The following RFTN1 variants were observed in gnomAD, a reference collection of about 807,000 sequenced individuals.
RFTN1 encodes raftlin.
Under a neutral mutation model 46.5 loss-of-function variants are expected in RFTN1, and 26 were observed. The ratio of observed to expected loss-of-function variants is 0.56; its 90% confidence interval spans 0.41 to 0.78. The LOEUF is 0.78. Among genes scored for constraint, RFTN1 ranks in the 30% least tolerant of loss-of-function variants. RFTN1 has a pLI of 0.00. For synonymous variants in RFTN1, 261 were observed against 284.2 expected (o/e 0.92, Z 0.82); for missense variants, 693 against 718.7 (o/e 0.96, Z 0.41).
chr3:16,316,736 A>G lies in RFTN1; in HGVS notation c.*92T>C. The G allele has an allele frequency of 6.6e-7, 1 of 1,505,160 alleles. No homozygotes were observed. Among genetic ancestry groups the G allele is most frequent in the African/African-American group, 1.4e-5 (1 of 72,364 alleles). 93.2% of individuals were successfully genotyped at this position (1,505,160 alleles called of 1,614,324 possible). On this transcript the variant is annotated 3_prime_UTR_variant, in exon 10 of 10. Coordinates refer to ENST00000334133, the MANE Select transcript of RFTN1 (RefSeq NM_015150.2). This position sits in a 1 kb window ranked among gnomAD's most constrained non-coding sequence, Gnocchi z 4.5. ...AGCCAAGCCAAAGGGTAGGTAACACACAACACCAGGGAAACCAGCCCCCAA... is the reference window on the plus strand; with the variant it reads ...AGCCAAGCCAAAGGGTAGGTAACACGCAACACCAGGGAAACCAGCCCCCAA...
rs535098536 is a variant in RFTN1 at position 16,366,646 on chromosome 3, C to T, written c.1030+3430G>A. 3.6e-5 allele frequency among the ~76,000 whole-genome samples: 4 copies of T among 111,600 alleles called. No homozygotes were observed. In the South Asian group the frequency reaches 2.0e-3, roughly 54 times the overall value. 73.2% of individuals were successfully genotyped at this position (111,600 alleles called of 152,430 possible). A position where few individuals can be genotyped will look rare whatever the true frequency, so the allele number is the denominator to read the frequency against. On this transcript the variant is annotated intron_variant, in intron 6 of 9. Coordinates refer to ENST00000334133, the MANE Select transcript of RFTN1 (RefSeq NM_015150.2). ...CTTCTTTCTTCCTGCCACCTTCTTG[C>T]TCTTACTAGCCAGTAACCTTGACAA... is the stretch of plus-strand genomic sequence containing the variant.
chr3:16,367,989 C>T (rs572017354), intron 6 of RFTN1, among the ~76,000 whole-genome samples: 4 of 152,100 alleles, frequency 2.6e-5, no homozygotes, highest in Non-Finnish European at 5.9e-5. Context: ...TCTCTGCACA[C>T]CTTCAACAAC....
chr3:16,469,520 G>A (rs770760137), intron 2 of RFTN1, among the ~76,000 whole-genome samples: 2 of 152,218 alleles, frequency 1.3e-5, no homozygotes, highest in African/African-American at 2.4e-5. Context: ...AAAGGCAGGT[G>A]CACGACCTTC....
intron 4 of RFTN1, among the ~76,000 whole-genome samples, chr3:16,395,544 C>T (rs2074448498): frequency 6.6e-6 from 1 of 151,810 alleles, no homozygotes; most frequent in Non-Finnish European, 1.5e-5. Context: ...CTCCTGGAAT[C>T]AAGAGATCCA....
chr3:16,406,911 A>G (rs760421265), intron 4 of RFTN1, among the ~76,000 whole-genome samples: 1 of 152,236 alleles, frequency 6.6e-6, no homozygotes, highest in Non-Finnish European at 1.5e-5. Context: ...ACATGTGCAT[A>G]CACACATCTA....
chr3:16,367,840 T>A (rs1160473219), intron 6 of RFTN1, among the ~76,000 whole-genome samples: 1 of 152,086 alleles, frequency 6.6e-6, no homozygotes, highest in Non-Finnish European at 1.5e-5. Context: ...GTTCCAAGTG[T>A]TCTTTCTTGG....
chr3:16,344,330 GTTTT>G lies in RFTN1; in HGVS notation c.1146+13598_1146+13601del, dbSNP rs11425499. ...GTGGATTAGATCAGTAATTTTCAAG[GTTTT>G]TTTTTTTTAATTAGTAGGATGCTTC... On this transcript the variant is annotated intron_variant, in intron 7 of 9. Coordinates refer to ENST00000334133, the MANE Select transcript of RFTN1 (RefSeq NM_015150.2). The surrounding 1 kb of genome is among the most constrained non-coding windows in gnomAD (Gnocchi z 4.4). 6.8e-6 allele frequency among the ~76,000 whole-genome samples: 1 copy of G among 147,372 alleles called. No homozygotes were observed. The highest frequency in any genetic ancestry group is 1.5e-5 in the Non-Finnish European group (1 of 66,574).
At chr3:16,508,316 G>A (rs2076843501) in intron 1 of RFTN1, among the ~76,000 whole-genome samples, 1 of 152,148 alleles carries the variant, frequency 6.6e-6, no homozygotes, top group African/African-American at 2.4e-5. Flanking sequence ...AACTCTAAAC[G>A]AAGCTTTCAA....
rs1237606602 is a variant in RFTN1 at position 16,381,115 on chromosome 3, T to A, written c.442-3013A>T. Among the ~76,000 whole-genome samples, 1 of 152,204 alleles carries A rather than the reference T, an allele frequency of 6.6e-6. No homozygotes were observed. The highest frequency in any genetic ancestry group is 1.5e-5 in the Non-Finnish European group (1 of 68,044). ...TACACTATCATGGAACAATTAATGC[T>A]TGAAATGACATATAAAAAGTCAAGA... On this transcript the variant is annotated intron_variant, in intron 4 of 9. Coordinates refer to ENST00000334133, the MANE Select transcript of RFTN1 (RefSeq NM_015150.2). This position sits in a 1 kb window ranked among gnomAD's most constrained non-coding sequence, Gnocchi z 4.2.
rs1055323382 is a variant in RFTN1 at position 16,410,463 on chromosome 3, T to C, written c.333-980A>G. Among the ~76,000 whole-genome samples, 50 of 152,112 alleles carry C rather than the reference T, an allele frequency of 3.3e-4. No individual in the cohort carries two copies. Among genetic ancestry groups the C allele is most frequent in the African/African-American group, 1.2e-3 (49 of 41,404 alleles). ...AAGTGAATTTAGCCATAATCCCTAA[T>C]TGTTTTCATTTTTAAATGAAAAGAA... On this transcript the variant is annotated intron_variant, in intron 3 of 9. Coordinates refer to ENST00000334133, the MANE Select transcript of RFTN1 (RefSeq NM_015150.2). This position sits in a 1 kb window ranked among gnomAD's most constrained non-coding sequence, Gnocchi z 4.6.
At position 16,422,265 on chromosome 3, in the gene RFTN1, A is replaced by G. The variant is rs1277982184; in HGVS notation, c.332+11586T>C. On this transcript the variant is annotated intron_variant, in intron 3 of 9. Coordinates refer to ENST00000334133, the MANE Select transcript of RFTN1 (RefSeq NM_015150.2). This position sits in a 1 kb window ranked among gnomAD's most constrained non-coding sequence, Gnocchi z 4.6. ...AACTACAATTTCAACAGAGTTTACC[A>G]GGAACTGAAGAAATTATTTCAGGCT... Among the ~76,000 whole-genome samples the G allele has an allele frequency of 6.6e-6, 1 of 152,240 alleles. No homozygotes were observed. Among genetic ancestry groups the G allele is most frequent in the African/African-American group, 2.4e-5 (1 of 41,476 alleles).
chr3:16,317,319 C>A lies in RFTN1; in HGVS notation c.1333-87G>T. On this transcript the variant is annotated intron_variant, in intron 9 of 9. Transcript: ENST00000334133. The surrounding 1 kb of genome is among the most constrained non-coding windows in gnomAD (Gnocchi z 4.3). ...AGCCTTGTTTGCATTCATACCCACA[C>A]CATGTCTGAGTGAGACATACAATTC... 7.2e-7 allele frequency: 1 copy of A among 1,395,874 alleles called. No homozygotes were observed. The allele number at this position is 1,395,874 out of a possible 1,614,324, so 86.5% of individuals were successfully genotyped here. A position where few individuals can be genotyped will look rare whatever the true frequency, so the allele number is the denominator to read the frequency against.
chr3:16,347,397 G>A (rs1207507326), intron 7 of RFTN1, among the ~76,000 whole-genome samples: 1 of 152,222 alleles, frequency 6.6e-6, no homozygotes, highest in African/African-American at 2.4e-5. Flanking sequence ...CAGTATCACT[G>A]GGTCAAAAGT....
intron 4 of RFTN1, among the ~76,000 whole-genome samples, chr3:16,392,510 T>C (rs913039413): frequency 2.0e-5 from 3 of 152,108 alleles, no homozygotes; most frequent in Non-Finnish European, 2.9e-5. Flanking sequence ...AGCTGCCCCA[T>C]GTGTTCACTG....
At chr3:16,444,075 A>AG (rs2075682805) in intron 2 of RFTN1, among the ~76,000 whole-genome samples, 1 of 152,222 alleles carries the variant, frequency 6.6e-6, no homozygotes, top group South Asian at 2.1e-4. Flanking sequence ...TACTTTTGTT[A>AG]GAGAAGACAC....
intron 6 of RFTN1, among the ~76,000 whole-genome samples, chr3:16,369,778 T>C (rs1204130791): frequency 2.6e-5 from 4 of 152,192 alleles, no homozygotes; most frequent in African/African-American, 9.7e-5. Context: ...CAGGGAACAA[T>C]CTTTTTAAAA....
chr3:16,363,161 C>A (rs941830304), intron 6 of RFTN1, among the ~76,000 whole-genome samples: 4 of 152,158 alleles, frequency 2.6e-5, no homozygotes, highest in African/African-American at 7.2e-5. Flanking sequence ...AGTCAATGAA[C>A]CAGAGAGCAG....
chr3:16,497,608 C>T (rs926249314), intron 1 of RFTN1, among the ~76,000 whole-genome samples: 6 of 152,350 alleles, frequency 3.9e-5, no homozygotes, highest in Admixed American at 2.0e-4. Flanking sequence ...TCAGGCAGAC[C>T]TGCCTTGCTC....
intron 6 of RFTN1, among the ~76,000 whole-genome samples, chr3:16,359,745 CAA>C (rs1007563569): frequency 7.9e-5 from 12 of 152,224 alleles, no homozygotes; most frequent in Admixed American, 4.6e-4. Context: ...AACATACAAA[CAA>C]AGCGCATTTC....
Sources: allele counts gnomAD v4.1 joint callset (sites outside exome capture counted in the v4.1 genomes callset), GRCh38; gene constraint gnomAD v4.1.1; non-coding constraint Gnocchi (gnomAD v3.1); transcripts MANE v1.5; gene names NCBI Gene and HGNC (gene_info 2026-07-23, HGNC 2026-07-21).